The following MICAL3 variants were observed in gnomAD, a reference collection of about 807,000 sequenced individuals.
MICAL3 encodes microtubule associated monooxygenase, calponin and LIM domain containing 3.
Under a neutral mutation model 207.4 loss-of-function variants are expected in MICAL3, and 62 were observed. That is an observed-to-expected ratio of 0.30 (90% CI 0.24 to 0.37). The LOEUF is 0.37. MICAL3 is among the 10% of genes least tolerant of loss of function. The probability of loss-of-function intolerance (pLI) is 1.00; values close to 1 mark genes in which losing one functional copy is unlikely to be tolerated. For synonymous variants in MICAL3, 1,077 were observed against 1,069.3 expected (o/e 1.01, Z -0.14); for missense variants, 2,368 against 2,635.6 (o/e 0.90, Z 2.22).
At chr22:17,862,274 T>C (rs935591688) in intron 19 of MICAL3, 46 of 936,632 alleles carry the variant, frequency 4.9e-5, no homozygotes, top group Admixed American at 6.2e-5. Flanking sequence ...TTTTTTTTTT[T>C]AGATGGAGTC....
chr22:17,797,779 C>T (rs745485561), intron 29 of MICAL3, among the ~76,000 whole-genome samples: 10 of 152,240 alleles, frequency 6.6e-5, no homozygotes, highest in African/African-American at 1.4e-4. Context: ...GCACCCCAAA[C>T]GCACCGGCCA....
Position 17,790,537 on chromosome 22 carries a change from GC to G in MICAL3, c.*194del. On this transcript the variant is annotated 3_prime_UTR_variant, in exon 32 of 32. Coordinates refer to ENST00000441493, the MANE Select transcript of MICAL3 (RefSeq NM_015241.3). The stretch of plus-strand genomic sequence containing the variant: ...GGTGGGCCTCCTCCCAGGAGGTGGA[GC>G]CGTCTCAGATAACCACTGTCACCTG... The G allele has an allele frequency of 1.7e-6, 1 of 592,986 alleles. No individual in the cohort carries two copies. The allele number at this position is 592,986 out of a possible 1,614,324, so 36.7% of individuals were successfully genotyped here.
intron 1 of MICAL3, among the ~76,000 whole-genome samples, chr22:18,012,913 C>A (rs906435289): frequency 6.6e-6 from 1 of 152,160 alleles, no homozygotes; most frequent in African/African-American, 2.4e-5. Context: ...AGCATTCAGA[C>A]CCCCTTGCTT....
chr22:17,895,494 A>G (rs1930751325), intron 9 of MICAL3, 84 bp from the exon 10 acceptor site: 1 of 1,500,014 alleles, frequency 6.7e-7, no homozygotes, highest in South Asian at 1.2e-5. Flanking sequence ...CTGACAGCGC[A>G]GCAAGTCACC....
At chr22:17,800,603 G>A (rs116336087) in intron 29 of MICAL3, among the ~76,000 whole-genome samples, 1 of 152,292 alleles carries the variant, frequency 6.6e-6, no homozygotes, top group Admixed American at 6.5e-5. Flanking sequence ...GTGACACACA[G>A]AGCACAGGGC....
chr22:17,826,127 C>A (rs1173233668), intron 22 of MICAL3, among the ~76,000 whole-genome samples: 1 of 152,226 alleles, frequency 6.6e-6, no homozygotes, highest in Non-Finnish European at 1.5e-5. Flanking sequence ...CAATCGGTAA[C>A]CACCTCATTC....
chr22:17,832,809 T>A (rs1444699880), intron 20 of MICAL3, among the ~76,000 whole-genome samples: 1 of 151,838 alleles, frequency 6.6e-6, no homozygotes, highest in Non-Finnish European at 1.5e-5. Context: ...TGTGCTGGGG[T>A]GGGGCGACAG....
Position 17,837,935 on chromosome 22 carries a change from G to C in MICAL3, c.2801+3887C>G, listed in dbSNP as rs138403656. Among the ~76,000 whole-genome samples, 197 of 152,320 alleles carry C rather than the reference G, an allele frequency of 1.3e-3. 1 individual carries two copies. The highest frequency in any genetic ancestry group is 4.5e-3 in the African/African-American group (185 of 41,554). On this transcript the variant is annotated intron_variant, in intron 20 of 31. Coordinates refer to ENST00000441493, the MANE Select transcript of MICAL3 (RefSeq NM_015241.3). ...GGGCACAAGCGATCCTCTTGCTTCA[G>C]CCTCCTGAGGAGCTGGGACCACAGG...
intron 1 of MICAL3, among the ~76,000 whole-genome samples, chr22:17,925,371 A>G (rs531853101): frequency 3.3e-5 from 5 of 152,294 alleles, no homozygotes; most frequent in Admixed American, 2.6e-4. Flanking sequence ...CTTACAGACA[A>G]TAAGAGTCAC....
intron 24 of MICAL3, 105 bp downstream of exon 24, chr22:17,821,925 C>T: frequency 1.4e-6 from 2 of 1,404,990 alleles, no homozygotes; most frequent in East Asian, 2.3e-5. Flanking sequence ...GGCTGGTGTG[C>T]ACCATGGCTC....
In MICAL3 at chr22:17,864,481, T is replaced by C. The variant is rs937243578; in HGVS notation, c.2605+418A>G. 4.2e-6 allele frequency: 6 copies of C among 1,423,816 alleles called. No homozygotes were observed. In the East Asian group the frequency reaches 1.3e-4, roughly 30 times the overall value. The allele number at this position is 1,423,816 out of a possible 1,614,324, so 88.2% of individuals were successfully genotyped here. On this transcript the variant is annotated intron_variant, in intron 19 of 31. Transcript: ENST00000441493. ...CCGTCAGAGGAGCTTGGAAGCAAAC[T>C]GCATGAAGGCCGAGTGGCCTTGGCC... is the stretch of plus-strand genomic sequence containing the variant.
intron 19 of MICAL3, among the ~76,000 whole-genome samples, chr22:17,843,646 C>T (rs560477297): frequency 6.6e-6 from 1 of 152,366 alleles, no homozygotes; most frequent in East Asian, 1.9e-4. Flanking sequence ...ACACGGTCAC[C>T]TTCCTCTTCC....
chr22:17,965,508 G>T (rs149117921), intron 1 of MICAL3, among the ~76,000 whole-genome samples: 1 of 152,280 alleles, frequency 6.6e-6, no homozygotes, highest in African/African-American at 2.4e-5. Context: ...TGAAGATGAG[G>T]CCCCCAGGAA....
rs747620547 is a variant in MICAL3 at position 17,865,910 on chromosome 22, A to T, written c.2517+14T>A. 6.9e-6 allele frequency: 11 copies of T among 1,605,140 alleles called. No individual in the cohort carries two copies. In the South Asian group the frequency reaches 9.9e-5, roughly 14 times the overall value. On this transcript the variant is annotated intron_variant, in intron 18 of 31. Coordinates refer to ENST00000441493, the MANE Select transcript of MICAL3 (RefSeq NM_015241.3). ...CCACTGCTTCTCCCCCACTTACAGG[A>T]GAGTCACCATTACCTTTCCAGACAG...
chr22:17,818,852 G>A lies in MICAL3; in HGVS notation c.3809C>T (p.Ala1270Val), dbSNP rs776990932. The stretch of plus-strand genomic sequence containing the variant: ...GGACTGGGTAGGGGATGGGACAGTG[G>A]CCTCGGTGGAAGGCTGGGGCTGGGA... ...ICSQPQPSTEATVPSPTQSPI... is the reference protein window; with the variant it reads ...ICSQPQPSTEVTVPSPTQSPI... Residue 1270 changes from alanine to valine, a missense_variant, in exon 26 of 32, where the codon GCC becomes GTC. Ala to Val is a moderately conservative substitution (Grantham distance 64). Around this residue, in one of 4 missense-constraint regions of MICAL3, gnomAD observed 1,770 missense variants for 1,863.2 expected, o/e 0.95. Transcript: ENST00000441493. The A allele has an allele frequency of 1.4e-5, 21 of 1,547,400 alleles. No homozygotes were observed. The highest frequency in any genetic ancestry group is 1.7e-4 in the Middle Eastern group (1 of 5,758).
At chr22:17,827,623 C>G in intron 22 of MICAL3, 21 bp downstream of exon 22, 1 of 1,546,212 alleles carries the variant, frequency 6.5e-7, no homozygotes. Context: ...CACACTGCGG[C>G]CTGGGGCTGG....
At chr22:17,886,988 C>CAAAAAAAAAAAAAAAAAAAAAAAA (rs55999508) in intron 15 of MICAL3, among the ~76,000 whole-genome samples, 182 bp downstream of exon 15, 9 of 41,350 alleles carry the variant, frequency 2.2e-4, no homozygotes, top group African/African-American at 4.6e-4. Flanking sequence ...ACTCTTGTCT[C>CAAAAAAAAAAAAAAAAAAAAAAAA]AAAAAAAAAA....
chr22:17,869,714 G>A (rs1927520104), intron 17 of MICAL3, among the ~76,000 whole-genome samples: 1 of 152,284 alleles, frequency 6.6e-6, no homozygotes, highest in African/African-American at 2.4e-5. Context: ...CTGAATCTCT[G>A]ACCTGGAATG....
At chr22:18,010,351 T>C (rs1923640483) in intron 1 of MICAL3, among the ~76,000 whole-genome samples, 1 of 152,094 alleles carries the variant, frequency 6.6e-6, no homozygotes, top group Non-Finnish European at 1.5e-5. Flanking sequence ...TCCCTTGGTG[T>C]CTGTGATGGG....
Sources: gnomAD v4.1 joint callset for allele counts (sites outside exome capture counted in the v4.1 genomes callset) on GRCh38, gnomAD v4.1.1 for gene constraint, gnomAD v4.1.1 regional missense constraint, MANE v1.5 for transcripts, NCBI Gene and HGNC (gene_info 2026-07-23, HGNC 2026-07-21) for gene names.